The following IL12RB2 variants were observed in gnomAD, a reference collection of about 807,000 sequenced individuals.
The protein encoded by IL12RB2 is interleukin-12 receptor subunit beta-2.
IL12RB2 carries 82 observed loss-of-function variants against 89.4 expected under a neutral mutation model. The observed-to-expected ratio is 0.92, with a 90% CI of 0.77 to 1.10. The LOEUF (loss-of-function observed/expected upper bound fraction) is 1.10. Among genes scored for constraint, IL12RB2 ranks in the 50% least tolerant of loss-of-function variants. The pLI is 0.00. For synonymous variants in IL12RB2, 368 were observed against 370.1 expected (o/e 0.99, Z 0.07); for missense variants, 963 against 1,031.9 (o/e 0.93, Z 0.92).
chr1:67,370,669 T>G (rs572028440), intron 11 of IL12RB2, among the ~76,000 whole-genome samples: 4 of 152,006 alleles, frequency 2.6e-5, no homozygotes, highest in African/African-American at 9.7e-5. Flanking sequence ...AGAAAGGAAA[T>G]AAAAGTCTGA....
intron 9 of IL12RB2, among the ~76,000 whole-genome samples, chr1:67,341,187 G>C (rs1213355385): frequency 6.6e-6 from 1 of 152,192 alleles, no homozygotes; most frequent in Non-Finnish European, 1.5e-5. Context: ...GGAGGTCGAG[G>C]TGGGCAGATC....
intron 11 of IL12RB2, among the ~76,000 whole-genome samples, chr1:67,369,932 T>A (rs188733240): frequency 6.8e-6 from 1 of 147,346 alleles, no homozygotes; most frequent in African/African-American, 2.5e-5. Context: ...TAAGGCAAGA[T>A]AATTGCTTGA....
At chr1:67,375,245 A>G (rs1268454697) in intron 13 of IL12RB2, among the ~76,000 whole-genome samples, 5 of 152,106 alleles carry the variant, frequency 3.3e-5, no homozygotes, top group Non-Finnish European at 7.3e-5. Context: ...AATTACAAAA[A>G]ATTAGCCAGG....
At chr1:67,342,601 A>T (rs925285801) in intron 9 of IL12RB2, among the ~76,000 whole-genome samples, 5 of 151,680 alleles carry the variant, frequency 3.3e-5, no homozygotes, top group African/African-American at 1.2e-4. Context: ...GTGTGTGTGT[A>T]TGTATGAATG....
At chr1:67,378,848 C>CAA (rs56260019) in intron 13 of IL12RB2, among the ~76,000 whole-genome samples, 133 of 91,798 alleles carry the variant, frequency 1.4e-3, no homozygotes, top group African/African-American at 4.3e-3. Context: ...AGACTCTTCT[C>CAA]AAAAAAAAAA....
At chr1:67,358,040 C>T (rs910988115) in intron 10 of IL12RB2, among the ~76,000 whole-genome samples, 22 of 149,912 alleles carry the variant, frequency 1.5e-4, no homozygotes, top group African/African-American at 4.9e-4. Context: ...GAGTGCTAAA[C>T]TCAACATAAT....
At chr1:67,319,851 G>A (rs948171103) in intron 2 of IL12RB2, among the ~76,000 whole-genome samples, 3 of 152,184 alleles carry the variant, frequency 2.0e-5, no homozygotes, top group Admixed American at 6.5e-5. Context: ...GAATTTTTAC[G>A]AATGGAACTA....
At position 67,325,792 on chromosome 1, in the gene IL12RB2, AT is replaced by A. The variant is rs528052936; in HGVS notation, c.365-939del. ...TAGCTAGGACTTCTGTAGTATACTC[AT>A]TTTATCTAACCTAAAGGAAATATGT... On this transcript the variant is annotated intron_variant, in intron 4 of 16. Transcript: ENST00000674203. Among the ~76,000 whole-genome samples the A allele has an allele frequency of 2.7e-3, 406 of 152,116 alleles. 3 individuals are homozygous for A. Among genetic ancestry groups the A allele is most frequent in the African/African-American group, 9.5e-3 (393 of 41,498 alleles).
intron 14 of IL12RB2, among the ~76,000 whole-genome samples, chr1:67,380,947 A>G (rs1664506451): frequency 6.6e-6 from 1 of 152,170 alleles, no homozygotes; most frequent in African/African-American, 2.4e-5. Flanking sequence ...CTAATTTCAA[A>G]TGAGGTCACA....
intron 2 of IL12RB2, among the ~76,000 whole-genome samples, chr1:67,317,665 G>A (rs187674910): frequency 6.6e-6 from 1 of 152,288 alleles, no homozygotes; most frequent in East Asian, 1.9e-4. Flanking sequence ...TTAGGGCATG[G>A]ACATCTTTGG....
intron 10 of IL12RB2, among the ~76,000 whole-genome samples, chr1:67,366,019 A>G (rs1191513290): frequency 6.6e-6 from 1 of 152,244 alleles, no homozygotes; most frequent in Non-Finnish European, 1.5e-5. Flanking sequence ...ACTAAAATCT[A>G]CAATATAAAA....
chr1:67,358,433 G>A (rs1181940066), intron 10 of IL12RB2, among the ~76,000 whole-genome samples: 2 of 151,926 alleles, frequency 1.3e-5, no homozygotes, highest in African/African-American at 4.8e-5. Flanking sequence ...AAAATTAGCT[G>A]GGGATGGTGT....
At chr1:67,333,830 C>G (rs1658418471) in intron 8 of IL12RB2, among the ~76,000 whole-genome samples, 1 of 152,172 alleles carries the variant, frequency 6.6e-6, no homozygotes, top group South Asian at 2.1e-4. Context: ...AAGGTGATCT[C>G]TCACCACTTA....
chr1:67,387,678 T>C (rs1458166681), intron 15 of IL12RB2, among the ~76,000 whole-genome samples: 1 of 127,700 alleles, frequency 7.8e-6, no homozygotes, highest in African/African-American at 2.8e-5. Flanking sequence ...CACTCCACCC[T>C]GGCAACACAG....
chr1:67,388,136 CT>C (rs1665423380), intron 15 of IL12RB2, among the ~76,000 whole-genome samples: 1 of 152,166 alleles, frequency 6.6e-6, no homozygotes, highest in Non-Finnish European at 1.5e-5. Context: ...GATTGCGCCA[CT>C]GCACTCCAGC....
At chr1:67,381,206 A>T (rs1162478955) in intron 14 of IL12RB2, among the ~76,000 whole-genome samples, 1 of 152,168 alleles carries the variant, frequency 6.6e-6, no homozygotes, top group Non-Finnish European at 1.5e-5. Context: ...ACTACAAATC[A>T]AACTCAGATT....
At chr1:67,328,524 T>C in intron 6 of IL12RB2, 140 bp downstream of exon 6, 2 of 1,461,060 alleles carry the variant, frequency 1.4e-6, no homozygotes, top group Non-Finnish European at 1.8e-6. Context: ...AGAAGTTACT[T>C]TGATGCAAGT....
Position 67,321,614 on chromosome 1 carries a change from G to C in IL12RB2, c.89G>C (p.Arg30Thr). The C allele has an allele frequency of 6.2e-7, 1 of 1,601,610 alleles. No individual in the cohort carries two copies. The highest frequency in any genetic ancestry group is 1.7e-4 in the Middle Eastern group (1 of 6,044). Residue 30 changes from arginine to threonine, a missense_variant, in exon 4 of 17, where the codon AGA becomes ACA. Coordinates refer to ENST00000674203, the MANE Select transcript of IL12RB2 (RefSeq NM_001374259.2). ...LIKAKIDACKRGDVTVKPSHV... is the reference protein window; with the variant it reads ...LIKAKIDACKTGDVTVKPSHV... ...TATCTTATTGCAGATGCGTGCAAGA[G>C]AGGCGATGTGACTGTGAAGCCTTCC...
At chr1:67,337,459 G>GCA (rs1269317176) in intron 8 of IL12RB2, among the ~76,000 whole-genome samples, 2 of 152,094 alleles carry the variant, frequency 1.3e-5, no homozygotes, top group Non-Finnish European at 2.9e-5. Context: ...ATGAACTCAT[G>GCA]CACACACACA....
Sources: gnomAD v4.1 joint callset for allele counts (sites outside exome capture counted in the v4.1 genomes callset) on GRCh38, gnomAD v4.1.1 for gene constraint, MANE v1.5 for transcripts, NCBI Gene and HGNC (gene_info 2026-07-23, HGNC 2026-07-21) for gene names.